Variants in NBAS observed in about 807,000 individuals in gnomAD.
NBAS encodes the protein NAG/BC035112 fusion.
A neutral mutation model predicts 302.5 loss-of-function variants in NBAS; 219 were observed. The observed-to-expected ratio is 0.72, with a 90% CI of 0.65 to 0.81. The LOEUF (loss-of-function observed/expected upper bound fraction) is 0.81. NBAS is among the 30% of genes least tolerant of loss of function. NBAS has a pLI of 0.00. For missense variants in NBAS, 2,932 were observed against 2,841.6 expected (o/e 1.03, Z -0.72); for synonymous variants, 1,118 against 1,021.6 (o/e 1.09, Z -1.80).
intron 50 of NBAS, among the ~76,000 whole-genome samples, chr2:15,181,240 T>C (rs1348430495): frequency 6.6e-6 from 1 of 152,226 alleles, no homozygotes; most frequent in Middle Eastern, 3.2e-3. Flanking sequence ...AGACATAGCA[T>C]GACACTTGGC....
At chr2:15,086,232 C>A in the NBAS span, among the ~76,000 whole-genome samples, 57 of 152,172 alleles carry the variant, frequency 3.7e-4, no homozygotes, top group African/African-American at 1.3e-3. Context: ...CAGAGAGGAG[C>A]AACCTATCCC....
At chr2:15,277,977 A>C (rs1262087561) in intron 42 of NBAS, among the ~76,000 whole-genome samples, 5 of 152,080 alleles carry the variant, frequency 3.3e-5, no homozygotes, top group Admixed American at 1.3e-4. Flanking sequence ...CATTCACAGA[A>C]GTACCCAGGT....
At chr2:15,098,691 TATATA>T in the NBAS span, among the ~76,000 whole-genome samples, 16 of 134,044 alleles carry the variant, frequency 1.2e-4, no homozygotes, top group African/African-American at 3.1e-4. Context: ...TTATATATTG[TATATA>T]ATATATTATA....
the NBAS span, among the ~76,000 whole-genome samples, chr2:15,137,292 T>C: frequency 2.0e-5 from 3 of 152,350 alleles, no homozygotes; most frequent in South Asian, 2.1e-4. Flanking sequence ...ATATTTAGTA[T>C]ATTATTAATC....
the NBAS span, among the ~76,000 whole-genome samples, chr2:14,902,103 C>A: frequency 5.9e-5 from 9 of 152,266 alleles, no homozygotes; most frequent in East Asian, 1.5e-3. Flanking sequence ...GTATAGCAAT[C>A]ATCCCTTTTT....
the NBAS span, among the ~76,000 whole-genome samples, chr2:14,889,770 A>G: frequency 6.6e-6 from 1 of 152,234 alleles, no homozygotes; most frequent in South Asian, 2.1e-4. Context: ...TTCCTACTCT[A>G]TAAAATGGAG....
At chr2:14,848,391 C>A in the NBAS span, among the ~76,000 whole-genome samples, 1 of 140,736 alleles carries the variant, frequency 7.1e-6, no homozygotes, top group Non-Finnish European at 1.5e-5. Flanking sequence ...CGGCGCACCA[C>A]GAGACTATAT....
the NBAS span, among the ~76,000 whole-genome samples, chr2:14,895,706 C>G: frequency 1.3e-5 from 2 of 149,824 alleles, no homozygotes; most frequent in African/African-American, 4.9e-5. Context: ...CGCCACCGCA[C>G]TCCAGCCTGG....
chr2:15,059,606 C>T, the NBAS span, among the ~76,000 whole-genome samples: 3 of 152,118 alleles, frequency 2.0e-5, no homozygotes, highest in Non-Finnish European at 4.4e-5. Flanking sequence ...AGACCTCCCT[C>T]GCACTGACCT....
intron 35 of NBAS, among the ~76,000 whole-genome samples, chr2:15,332,689 T>C (rs983138860): frequency 1.3e-5 from 2 of 151,654 alleles, no homozygotes; most frequent in Non-Finnish European, 2.9e-5. Context: ...AAAAAACATA[T>C]AAAAAGCCTG....
chr2:15,379,598 C>T lies in NBAS; in HGVS notation c.3590+4G>A. The T allele has an allele frequency of 6.2e-7, 1 of 1,613,218 alleles. No individual in the cohort carries two copies. Among genetic ancestry groups the T allele is most frequent in the Non-Finnish European group, 8.5e-7 (1 of 1,179,434 alleles). On this transcript the variant is annotated splice_donor_region_variant and intron_variant, in intron 30 of 51. Transcript: ENST00000281513. Reference sequence around the variant, plus strand: ...TCTTAGGGAAGAATATAGAGTTATTCTACCTGGCTAGATCCATGCAGCTAT... The same window carrying T: ...TCTTAGGGAAGAATATAGAGTTATTTTACCTGGCTAGATCCATGCAGCTAT...
Position 15,366,676 on chromosome 2 carries a change from G to A in NBAS, c.3721C>T (p.Arg1241Trp), listed in dbSNP as rs766803563. The change falls in exon 32 of 52, where the codon CGG becomes TGG. Residue 1241 changes from arginine (R) to tryptophan (W), a missense_variant. Coordinates refer to ENST00000281513, the MANE Select transcript of NBAS (RefSeq NM_015909.4). Reference sequence around the variant, plus strand: ...ATACACTCCTTGATGAGACTGATCCGATCAGGGCACAATCGCACTACAAAA... The same window carrying A: ...ATACACTCCTTGATGAGACTGATCCAATCAGGGCACAATCGCACTACAAAA... Reference protein sequence around the residue: ...LPLQVRLCPDRISLIKECISQ... With the variant: ...LPLQVRLCPDWISLIKECISQ... 12 of 1,613,954 alleles carry A rather than the reference G, an allele frequency of 7.4e-6. No homozygotes were observed. Among genetic ancestry groups the A allele is most frequent in the South Asian group, 3.3e-5 (3 of 91,072 alleles).
the NBAS span, among the ~76,000 whole-genome samples, chr2:14,987,514 T>G: frequency 1.3e-5 from 2 of 151,876 alleles, no homozygotes; most frequent in African/African-American, 4.8e-5. Context: ...ACTATAGGGT[T>G]GGAAGGTACC....
intron 38 of NBAS, among the ~76,000 whole-genome samples, chr2:15,316,504 TG>T (rs1671517217): frequency 6.6e-6 from 1 of 152,106 alleles, no homozygotes; most frequent in African/African-American, 2.4e-5. Flanking sequence ...CTGAAAAAAA[TG>T]GGACACTCCC....
chr2:15,273,367 T>C (rs1323894966), intron 44 of NBAS, among the ~76,000 whole-genome samples: 1 of 152,226 alleles, frequency 6.6e-6, no homozygotes. Flanking sequence ...GACATGCTGC[T>C]CCTACTGGGC....
intron 6 of NBAS, among the ~76,000 whole-genome samples, chr2:15,546,153 T>A (rs186191815): frequency 6.6e-6 from 1 of 152,238 alleles, no homozygotes; most frequent in East Asian, 1.9e-4. Context: ...AGAAATCAGA[T>A]CACAAAACAC....
At chr2:14,846,478 T>A in the NBAS span, among the ~76,000 whole-genome samples, 2 of 144,290 alleles carry the variant, frequency 1.4e-5, no homozygotes, top group African/African-American at 5.2e-5. Context: ...CAATAAGAAA[T>A]CAACTGAAGG....
At chr2:15,276,232 T>C (rs944190563) in intron 43 of NBAS, among the ~76,000 whole-genome samples, 3 of 152,214 alleles carry the variant, frequency 2.0e-5, no homozygotes, top group African/African-American at 7.2e-5. Context: ...TTATCCTCTG[T>C]GTCTAGGCCA....
At chr2:15,076,973 T>C in the NBAS span, among the ~76,000 whole-genome samples, 1 of 152,232 alleles carries the variant, frequency 6.6e-6, no homozygotes, top group Non-Finnish European at 1.5e-5. Context: ...TCTATGTTTG[T>C]CCATCAAGAT....
Sources: gnomAD v4.1 joint callset for allele counts (sites outside exome capture counted in the v4.1 genomes callset) on GRCh38, gnomAD v4.1.1 for gene constraint, MANE v1.5 for transcripts, NCBI Gene and HGNC (gene_info 2026-07-23, HGNC 2026-07-21) for gene names.